The following POLM variants were observed in gnomAD, a reference collection of about 807,000 sequenced individuals.
POLM encodes the protein DNA polymerase mu.
A neutral mutation model predicts 56.7 loss-of-function variants in POLM; 52 were observed. That is an observed-to-expected ratio of 0.92 (90% CI 0.73 to 1.15). The LOEUF is 1.15. Among genes scored for constraint, POLM ranks in the 50% most tolerant of loss-of-function variants. The probability of loss-of-function intolerance (pLI) is 0.00; values close to 1 mark genes in which losing one functional copy is unlikely to be tolerated. For missense variants in POLM, 660 were observed against 663.6 expected (o/e 0.99, Z 0.06); for synonymous variants, 273 against 274.3 (o/e 1.00, Z 0.05).
chr7:44,079,849 G>A lies in POLM; in HGVS notation c.471+12C>T. The A allele has an allele frequency of 6.2e-7, 1 of 1,613,888 alleles. No homozygotes were observed. Among genetic ancestry groups the A allele is most frequent in the South Asian group, 1.1e-5 (1 of 91,080 alleles). ...CCCCCAGGGCTGGCCAAGGCTCATA[G>A]AAGCGGCTTACGGAGAGGCCAGTGT... On this transcript the variant is annotated intron_variant, in intron 3 of 10. Transcript: ENST00000242248.
Position 44,082,367 on chromosome 7 carries a change from C to A in POLM, c.72G>T (p.Ser24=). Residue 24 remains serine (S), a synonymous_variant, in exon 1 of 11, where the codon TCG becomes TCT. Transcript: ENST00000242248. ...AGATGGCGACTCCCGGGAAGCGCGT[C>A]GAGGGCGGCGTGGAGGAAGCGGCAT... is the stretch of plus-strand genomic sequence containing the variant. ...SGDAASSTPP[S]TRFPGVAIYL... is the part of the protein sequence containing the mutation. 6.5e-7 allele frequency: 1 copy of A among 1,543,012 alleles called. No homozygotes were observed. Among genetic ancestry groups the A allele is most frequent in the Non-Finnish European group, 8.7e-7 (1 of 1,153,438 alleles).
intron 1 of POLM, 114 bp from the exon 2 acceptor site, chr7:44,081,030 G>A: frequency 2.4e-6 from 2 of 847,658 alleles, no homozygotes; most frequent in Middle Eastern, 3.5e-4. Flanking sequence ...CATTCATCCT[G>A]CAAACGTCAC....
rs893566779 is a variant in POLM, at chr7:44,072,255, A to G, written c.*1036T>C. 5.9e-5 allele frequency: 9 copies of G among 152,192 alleles called. No homozygotes were observed. The highest frequency in any genetic ancestry group is 2.2e-4 in the African/African-American group (9 of 41,446). The allele number at this position is 152,192 out of a possible 1,614,324, so 9.4% of individuals were successfully genotyped here. A position where few individuals can be genotyped will look rare whatever the true frequency, so the allele number is the denominator to read the frequency against. ...GCACCCCAAGAGTCAACTTTACTGC[A>G]TGTTTTCAAAATATTTTTTAATGTG... On this transcript the variant is annotated 3_prime_UTR_variant, in exon 11 of 11. Coordinates refer to ENST00000242248, the MANE Select transcript of POLM (RefSeq NM_013284.4).
At chr7:44,077,726 T>C (rs1429201838) in intron 5 of POLM, among the ~76,000 whole-genome samples, 2 of 152,094 alleles carry the variant, frequency 1.3e-5, no homozygotes, top group African/African-American at 4.8e-5. Context: ...CCCTGCATAT[T>C]TGAGCCCATT....
At chr7:44,076,785 A>C (rs1586018261) in intron 5 of POLM, 156 bp from the exon 6 acceptor site, 1 of 886,128 alleles carries the variant, frequency 1.1e-6, no homozygotes, top group Non-Finnish European at 1.7e-6. Context: ...AAGGATTCAA[A>C]CCTGGAGCCT....
intron 10 of POLM, 116 bp downstream of exon 10, chr7:44,073,509 G>C: frequency 6.3e-7 from 1 of 1,589,162 alleles, no homozygotes; most frequent in Non-Finnish European, 8.6e-7. Context: ...TGTGTGTGGA[G>C]ACCCAGATTC....
chr7:44,077,351 G>A (rs1031119337), intron 5 of POLM, among the ~76,000 whole-genome samples: 2 of 152,228 alleles, frequency 1.3e-5, no homozygotes, highest in South Asian at 2.1e-4. Flanking sequence ...TACCCAGGTC[G>A]CTGAGCCCAG....
chr7:44,073,805 A>T lies in POLM; in HGVS notation c.1292T>A (p.Leu431Gln). The change falls in exon 9 of 11, where the codon CTG becomes CAG. Residue 431 changes from leucine (L) to glutamine (Q), a missense_variant. Transcript: ENST00000242248. ...VAPVSQFPFALLGWTGSKLFQ... is the reference protein window; with the variant it reads ...VAPVSQFPFAQLGWTGSKLFQ... ...TACCTTGGAGCCAGTCCAACCGAGC[A>T]GGGCGAAAGGGAACTGGCTGACGGG... The T allele has an allele frequency of 6.2e-7, 1 of 1,614,208 alleles. No individual in the cohort carries two copies. The highest frequency in any genetic ancestry group is 8.5e-7 in the Non-Finnish European group (1 of 1,180,012).
intron 5 of POLM, 178 bp from the exon 6 acceptor site, chr7:44,076,807 C>G (rs1413496874): frequency 1.4e-6 from 1 of 699,976 alleles, no homozygotes; most frequent in Non-Finnish European, 2.3e-6. Context: ...ACTACCCAGC[C>G]TGCCGTCTCT....
At chr7:44,078,685 T>G in intron 5 of POLM, 55 bp downstream of exon 5, 1 of 1,505,922 alleles carries the variant, frequency 6.6e-7, no homozygotes, top group East Asian at 2.3e-5. Context: ...TGGACTGTGT[T>G]GTCATTCCCA....
At position 44,082,445 on chromosome 7, in the gene POLM, G is replaced by C. The variant is rs559723534; in HGVS notation, c.-7C>G. 8.7e-6 allele frequency: 11 copies of C among 1,265,186 alleles called. No individual in the cohort carries two copies. In the East Asian group the frequency reaches 4.7e-4, roughly 54 times the overall value. 78.4% of individuals were successfully genotyped at this position (1,265,186 alleles called of 1,614,324 possible). A position where few individuals can be genotyped will look rare whatever the true frequency, so the allele number is the denominator to read the frequency against. On this transcript the variant is annotated 5_prime_UTR_variant, in exon 1 of 11. Transcript: ENST00000242248. ...GCCGCCGTTTGGGGAGCATTGGGAC[G>C]ACAGCCTCCAGCAGCGCGGAGCGAA...
intron 2 of POLM, 92 bp downstream of exon 2, chr7:44,080,641 G>A (rs2128803716): frequency 7.6e-7 from 1 of 1,317,024 alleles, no homozygotes; most frequent in Non-Finnish European, 1.1e-6. Context: ...AGGACATTGA[G>A]GCATTGCTGC....
intron 5 of POLM, 120 bp downstream of exon 5, chr7:44,078,620 T>C: frequency 1.2e-6 from 1 of 845,986 alleles, no homozygotes; most frequent in Non-Finnish European, 2.0e-6. Context: ...CGGCAAGACC[T>C]TCTCTGACCC....
Position 44,074,529 on chromosome 7 carries a change from C to G in POLM, c.837G>C (p.Gly279=). 1.9e-6 allele frequency: 3 copies of G among 1,568,278 alleles called. No homozygotes were observed. Among genetic ancestry groups the G allele is most frequent in the Non-Finnish European group, 2.6e-6 (3 of 1,154,638 alleles). Residue 279 remains glycine (G), a splice_region_variant and synonymous_variant, in exon 7 of 11, where the codon GGG becomes GGC. Coordinates refer to ENST00000242248, the MANE Select transcript of POLM (RefSeq NM_013284.4). ...TGCTCAGGTCCTGGTGGTGCTGGAG[C>G]CCTGGGGGCAACACCGGCCCTCCTG... is the stretch of plus-strand genomic sequence containing the variant. ...PQKLTQQQKA[G]LQHHQDLSTP...
rs1393643942 is a variant in POLM, at chr7:44,082,268, G to A, written c.171C>T (p.Arg57=). ...CCCCGCACCTGCAGGCGTCAAGGAC[G>A]CGGAAGCCTTTGGAGCGCGCCAGGC... ...LTGLARSKGF[R]VLDACSSEAT... Residue 57 remains arginine, a synonymous_variant, in exon 1 of 11, where the codon CGC becomes CGT. Transcript: ENST00000242248. The A allele has an allele frequency of 6.6e-7, 1 of 1,509,138 alleles. No homozygotes were observed. The allele number at this position is 1,509,138 out of a possible 1,614,324, so 93.5% of individuals were successfully genotyped here.
At chr7:44,077,230 C>G (rs2096186150) in intron 5 of POLM, among the ~76,000 whole-genome samples, 1 of 152,234 alleles carries the variant, frequency 6.6e-6, no homozygotes, top group South Asian at 2.1e-4. Flanking sequence ...CCTGTGGCAG[C>G]CGAGCACCTT....
At chr7:44,081,897 C>T (rs2096201091) in intron 1 of POLM, among the ~76,000 whole-genome samples, 2 of 152,080 alleles carry the variant, frequency 1.3e-5, no homozygotes, top group Admixed American at 1.3e-4. Context: ...AGGTGCCCGC[C>T]ACCACCTCCG....
intron 1 of POLM, 38 bp downstream of exon 1, chr7:44,082,213 T>C: frequency 2.1e-6 from 3 of 1,409,152 alleles, no homozygotes; most frequent in Non-Finnish European, 2.8e-6. Flanking sequence ...AAACCAGAAG[T>C]GCCATGGAAG....
chr7:44,079,037 C>G (rs1184371014), intron 4 of POLM, among the ~76,000 whole-genome samples: 1 of 152,196 alleles, frequency 6.6e-6, no homozygotes, highest in Non-Finnish European at 1.5e-5. Flanking sequence ...AGGGCTCCAG[C>G]CTCAAAGCTC....
Sources: gnomAD v4.1 joint callset for allele counts (sites outside exome capture counted in the v4.1 genomes callset) on GRCh38, gnomAD v4.1.1 for gene constraint, MANE v1.5 for transcripts, NCBI Gene and HGNC (gene_info 2026-07-23, HGNC 2026-07-21) for gene names.